Variants in RELN observed in about 807,000 individuals in gnomAD.
RELN encodes the protein reelin.
In RELN, 108 loss-of-function variants were observed where a neutral mutation model predicts 427.6. That is an observed-to-expected ratio of 0.25 (90% CI 0.22 to 0.30). The LOEUF (loss-of-function observed/expected upper bound fraction) is 0.30, where lower values mean the gene tolerates loss of function less well. RELN is among the 10% of genes least tolerant of loss of function. The probability of loss-of-function intolerance (pLI) is 1.00; values close to 1 mark genes in which losing one functional copy is unlikely to be tolerated. For synonymous variants in RELN, 1,524 were observed against 1,513.4 expected (o/e 1.01, Z -0.16); for missense variants, 3,715 against 4,302.8 (o/e 0.86, Z 3.82).
intron 2 of RELN, among the ~76,000 whole-genome samples, chr7:103,858,522 A>G (rs1309943398): frequency 6.6e-6 from 1 of 152,126 alleles, no homozygotes; most frequent in African/African-American, 2.4e-5. Flanking sequence ...AAATAAGATA[A>G]TTTTCATGGA....
intron 4 of RELN, among the ~76,000 whole-genome samples, chr7:103,764,106 T>G (rs1401638824): frequency 6.6e-6 from 1 of 152,110 alleles, no homozygotes; most frequent in Non-Finnish European, 1.5e-5. Context: ...GGACTAAAGT[T>G]CAGTTTAGAA....
At chr7:103,913,818 T>G (rs1022474890) in intron 2 of RELN, among the ~76,000 whole-genome samples, 1 of 152,212 alleles carries the variant, frequency 6.6e-6, no homozygotes, top group African/African-American at 2.4e-5. Context: ...ATTTTACTTT[T>G]AAAGTTATTT....
At chr7:103,488,429 T>C (rs1329890729) in intron 60 of RELN, among the ~76,000 whole-genome samples, 6 of 152,212 alleles carry the variant, frequency 3.9e-5, no homozygotes, top group Non-Finnish European at 8.8e-5. Flanking sequence ...GTTAAAATTC[T>C]CCAGCTAATA....
At chr7:103,910,538 T>A (rs1313031625) in intron 2 of RELN, among the ~76,000 whole-genome samples, 1 of 150,030 alleles carries the variant, frequency 6.7e-6, no homozygotes, top group Admixed American at 6.7e-5. Flanking sequence ...AGAGCCCGCA[T>A]CGCCAAGTCA....
intron 3 of RELN, among the ~76,000 whole-genome samples, chr7:103,778,111 G>A (rs1360987691): frequency 6.6e-6 from 1 of 152,146 alleles, no homozygotes; most frequent in Non-Finnish European, 1.5e-5. Context: ...AAGTTTATAG[G>A]TTTTTCTTTG....
chr7:103,743,366 A>G (rs1030164150), intron 6 of RELN, among the ~76,000 whole-genome samples: 1 of 152,214 alleles, frequency 6.6e-6, no homozygotes, highest in East Asian at 1.9e-4. Context: ...AACAAGCAAA[A>G]TAACCAGCTA....
chr7:103,677,550 G>T (rs931933520), intron 11 of RELN, among the ~76,000 whole-genome samples: 1 of 150,038 alleles, frequency 6.7e-6, no homozygotes, highest in African/African-American at 2.4e-5. Context: ...CAGATCACTT[G>T]AGGTCAGGAG....
At chr7:103,725,467 C>CTGAGGCAGGAGGCTGAGGTGGGAGGA (rs376913676) in intron 7 of RELN, among the ~76,000 whole-genome samples, 1 of 151,770 alleles carries the variant, frequency 6.6e-6, no homozygotes, top group South Asian at 2.1e-4. Context: ...AGGCAGGAGG[C>CTGAGGCAGGAGGCTGAGGTGGGAGGA]TGAGGTCATA....
At position 103,510,863 on chromosome 7, in the gene RELN, A is replaced by C; in HGVS notation, c.8262T>G (p.Ile2754Met). ...CATAACATTTCACCTTGAATTGCAT[A>C]ATCCAGCCTTCAGTGGGAGTCAGGT... is the stretch of plus-strand genomic sequence containing the variant. ...THDLTPTEGW[I>M]MQFKISVGCK... Residue 2754 changes from isoleucine (I) to methionine (M), a missense_variant, in exon 51 of 65, where the codon ATT (isoleucine) becomes ATG (methionine). Transcript: ENST00000428762. 6.2e-7 allele frequency: 1 copy of C among 1,613,392 alleles called. No individual in the cohort carries two copies.
chr7:103,595,970 G>A (rs976854751), intron 25 of RELN, among the ~76,000 whole-genome samples: 1 of 152,112 alleles, frequency 6.6e-6, no homozygotes, highest in African/African-American at 2.4e-5. Flanking sequence ...TTAAGACAGG[G>A]ATAGGCCAGG....
In RELN at chr7:103,980,639, C is replaced by A. The variant is rs143998356; in HGVS notation, c.226+8492G>T. Among the ~76,000 whole-genome samples the A allele has an allele frequency of 2.9e-3, 434 of 152,240 alleles. 1 individual carries two copies. The highest frequency in any genetic ancestry group is 0.01 in the African/African-American group (417 of 41,534). On this transcript the variant is annotated intron_variant, in intron 1 of 64. Coordinates refer to ENST00000428762, the MANE Select transcript of RELN (RefSeq NM_005045.4). The stretch of plus-strand genomic sequence containing the variant: ...ACCTCTCTGTGACTCAGTTTATGCA[C>A]GCATAAAATGAGAATAACAGTACCT...
intron 8 of RELN, among the ~76,000 whole-genome samples, chr7:103,706,224 TA>T (rs34822414): frequency 1.6e-3 from 229 of 142,932 alleles, no homozygotes; most frequent in East Asian, 2.0e-3. Flanking sequence ...TTTCACTTGT[TA>T]AAAAAAAAAA....
At chr7:103,654,347 T>C in intron 12 of RELN, 142 bp from the exon 13 acceptor site, 2 of 646,258 alleles carry the variant, frequency 3.1e-6, no homozygotes, top group South Asian at 3.4e-5. Context: ...GTAAACAGAC[T>C]CAAGGAAATA....
At chr7:103,970,064 C>G (rs894271587) in intron 1 of RELN, among the ~76,000 whole-genome samples, 10 of 152,116 alleles carry the variant, frequency 6.6e-5, no homozygotes, top group Non-Finnish European at 1.2e-4. Context: ...GATACTCAAC[C>G]CCACACCTGA....
chr7:103,742,927 C>G (rs1360636986), intron 6 of RELN, among the ~76,000 whole-genome samples: 39 of 152,006 alleles, frequency 2.6e-4, no homozygotes, highest in African/African-American at 8.2e-4. Flanking sequence ...CAAAGATACT[C>G]CTCGAGAAGA....
intron 4 of RELN, among the ~76,000 whole-genome samples, chr7:103,755,627 TA>T (rs1326203336): frequency 0.03 from 1,628 of 54,734 alleles, 48 homozygotes; most frequent in African/African-American, 0.11. Flanking sequence ...ATAAAAAAAA[TA>T]AAATAAATAA....
At chr7:103,491,852 TCTCTCACACACACACACACACACA>T (rs1376677373) in intron 58 of RELN, 77 bp downstream of exon 58, 2,274 of 435,966 alleles carry the variant, frequency 5.2e-3, no homozygotes, top group East Asian at 0.017. Flanking sequence ...TCTCTCTCTC[TCTCTCACACACACACACACACACA>T]CACACACACA....
At chr7:103,834,850 G>A (rs943885757) in intron 2 of RELN, among the ~76,000 whole-genome samples, 2 of 152,268 alleles carry the variant, frequency 1.3e-5, no homozygotes, top group African/African-American at 4.8e-5. Context: ...ATTGCTGGTG[G>A]GAATGCAAAA....
Position 103,794,820 on chromosome 7 carries a change from A to C in RELN, c.474-18193T>G, listed in dbSNP as rs1019168346. On this transcript the variant is annotated intron_variant, in intron 3 of 64. Coordinates refer to ENST00000428762, the MANE Select transcript of RELN (RefSeq NM_005045.4). ...TAGATGCTAGGTATGACAACAAAAA[A>C]ATGTCTCCAGATATTATCAAATGTC... Among the ~76,000 whole-genome samples, 27 of 152,270 alleles carry C rather than the reference A, an allele frequency of 1.8e-4. No individual in the cohort carries two copies. In the Middle Eastern group the frequency reaches 0.01, roughly 58 times the overall value.
Sources: allele counts gnomAD v4.1 joint callset (sites outside exome capture counted in the v4.1 genomes callset), GRCh38; gene constraint gnomAD v4.1.1; transcripts MANE v1.5; gene names NCBI Gene and HGNC (gene_info 2026-07-23, HGNC 2026-07-21).